SUSD1: variants seen among roughly 807,000 people sequenced by gnomAD.
SUSD1 encodes sushi domain containing 1.
In SUSD1, 65 loss-of-function variants were observed where a neutral mutation model predicts 86.9. The ratio of observed to expected loss-of-function variants is 0.75; its 90% CI spans 0.61 to 0.92. The LOEUF (loss-of-function observed/expected upper bound fraction) is 0.92. Among genes scored for constraint, SUSD1 ranks in the 40% least tolerant of loss-of-function variants. The probability of loss-of-function intolerance (pLI) is 0.00; values close to 1 mark genes in which losing one functional copy is unlikely to be tolerated. For synonymous variants in SUSD1, 346 were observed against 350.0 expected (o/e 0.99, Z 0.13); for missense variants, 850 against 929.7 (o/e 0.91, Z 1.11).
intron 15 of SUSD1, among the ~76,000 whole-genome samples, chr9:112,042,865 T>C (rs1007346071): frequency 1.3e-5 from 2 of 152,272 alleles, no homozygotes; most frequent in East Asian, 3.9e-4. Context: ...CTCAGTACAG[T>C]ACCTGGCACT....
chr9:112,044,086 C>T (rs1827858894), intron 15 of SUSD1, among the ~76,000 whole-genome samples: 1 of 152,132 alleles, frequency 6.6e-6, no homozygotes, highest in Non-Finnish European at 1.5e-5. Context: ...AGGCATGAGC[C>T]ACCATGCCCA....
intron 11 of SUSD1, 106 bp from the exon 12 acceptor site, chr9:112,078,830 T>TTTTTTTA (rs747300919): frequency 1.2e-6 from 1 of 863,586 alleles, no homozygotes; most frequent in African/African-American, 1.8e-5. Context: ...TTTTTTTTTT[T>TTTTTTTA]GAGATGGGGG....
chr9:112,052,548 C>T (rs7034341), intron 14 of SUSD1, 110 bp from the exon 15 acceptor site: 212,607 of 1,225,268 alleles, frequency 0.17, 23,510 homozygotes, highest in African/African-American at 0.52. Context: ...ATCTCTTAAT[C>T]TGAACTAGAC....
intron 12 of SUSD1, among the ~76,000 whole-genome samples, chr9:112,068,827 C>T (rs192769651): frequency 8.0e-4 from 121 of 152,128 alleles, no homozygotes; most frequent in African/African-American, 2.5e-3. Context: ...CGGAAGTGCT[C>T]GAGGTCTGCT....
chr9:112,153,300 A>G (rs1282697567), intron 2 of SUSD1, among the ~76,000 whole-genome samples: 1 of 151,928 alleles, frequency 6.6e-6, no homozygotes, highest in African/African-American at 2.4e-5. Context: ...ACAAACACAC[A>G]CACACACAAT....
chr9:112,074,819 A>G (rs976918390), intron 12 of SUSD1, among the ~76,000 whole-genome samples: 5 of 148,780 alleles, frequency 3.4e-5, no homozygotes, highest in African/African-American at 1.2e-4. Flanking sequence ...TAACTCTTTC[A>G]TAAGATCAAA....
intron 15 of SUSD1, among the ~76,000 whole-genome samples, chr9:112,050,730 TCTGGTATTAG>T (rs1198426201): frequency 1.3e-5 from 2 of 152,148 alleles, no homozygotes; most frequent in Non-Finnish European, 2.9e-5. Context: ...CAACAAGATT[TCTGGTATTAG>T]CTACAAACTA....
chr9:112,079,670 T>C (rs1477632330), intron 11 of SUSD1, among the ~76,000 whole-genome samples: 1 of 151,908 alleles, frequency 6.6e-6, no homozygotes, highest in Non-Finnish European at 1.5e-5. Flanking sequence ...TGGCGCGATC[T>C]TGGTTAACAG....
At chr9:112,067,291 G>A (rs190922485) in intron 12 of SUSD1, among the ~76,000 whole-genome samples, 12 of 152,366 alleles carry the variant, frequency 7.9e-5, no homozygotes, top group African/African-American at 2.9e-4. Flanking sequence ...GGCAGAAAGA[G>A]GGCCTCATGG....
chr9:112,089,842 A>G (rs1830136412), intron 10 of SUSD1, among the ~76,000 whole-genome samples: 2 of 151,666 alleles, frequency 1.3e-5, no homozygotes, highest in Admixed American at 1.3e-4. Context: ...AGAAAAGAAA[A>G]GAAAAGAAAG....
At position 112,119,447 on chromosome 9, in the gene SUSD1, A is replaced by C. The variant is rs1420516490; in HGVS notation, c.886+4810T>G. ...AACAGAAGGGACAGAGGCCAACAGG[A>C]GTCCTGGAGGCATCAGAGCAGTGCC... On this transcript the variant is annotated intron_variant, in intron 6 of 16. Transcript: ENST00000374270. Among the ~76,000 whole-genome samples, 3 of 152,226 alleles carry C rather than the reference A, an allele frequency of 2.0e-5. No homozygotes were observed. In the East Asian group the frequency reaches 5.8e-4, roughly 29 times the overall value.
At chr9:112,170,710 TAGAG>T (rs1554778939) in intron 1 of SUSD1, among the ~76,000 whole-genome samples, 279 of 113,822 alleles carry the variant, frequency 2.5e-3, no homozygotes, top group African/African-American at 9.7e-3. Context: ...TATATATATA[TAGAG>T]AGAGAGAGAG....
chr9:112,072,099 A>G (rs1046344374), intron 12 of SUSD1, among the ~76,000 whole-genome samples: 1 of 138,534 alleles, frequency 7.2e-6, no homozygotes, highest in African/African-American at 2.7e-5. Flanking sequence ...ATCTCCTTTT[A>G]TTATTTATTT....
At chr9:112,144,531 A>C (rs1832724780) in intron 3 of SUSD1, among the ~76,000 whole-genome samples, 1 of 152,084 alleles carries the variant, frequency 6.6e-6, no homozygotes, top group Non-Finnish European at 1.5e-5. Context: ...TCATGTCTGT[A>C]ATCCTGGCAC....
At chr9:112,128,670 A>G (rs1477001752) in intron 5 of SUSD1, among the ~76,000 whole-genome samples, 1 of 152,218 alleles carries the variant, frequency 6.6e-6, no homozygotes, top group Admixed American at 6.6e-5. Context: ...AGTAGTAGTT[A>G]GAATGATTTG....
chr9:112,145,608 A>G (rs1832778102), intron 3 of SUSD1, among the ~76,000 whole-genome samples: 1 of 152,188 alleles, frequency 6.6e-6, no homozygotes. Context: ...ATGACATTTT[A>G]GCCCCCAAAA....
intron 7 of SUSD1, among the ~76,000 whole-genome samples, chr9:112,112,234 C>T (rs1004114576): frequency 6.6e-6 from 1 of 152,126 alleles, no homozygotes; most frequent in African/African-American, 2.4e-5. Flanking sequence ...ACACATGCAC[C>T]CTGCTGAATG....
chr9:112,048,636 A>G (rs1468333271), intron 15 of SUSD1, among the ~76,000 whole-genome samples: 1 of 152,226 alleles, frequency 6.6e-6, no homozygotes, highest in Non-Finnish European at 1.5e-5. Flanking sequence ...TGTAAAATCT[A>G]GTAGTAGAAG....
At chr9:112,152,751 CTTTTT>C (rs71382410) in intron 2 of SUSD1, among the ~76,000 whole-genome samples, 1 of 87,492 alleles carries the variant, frequency 1.1e-5, no homozygotes, top group African/African-American at 5.0e-5. Flanking sequence ...TTTTTTTAAT[CTTTTT>C]TTTTTTTTTT....
Sources: allele counts gnomAD v4.1 joint callset (sites outside exome capture counted in the v4.1 genomes callset), GRCh38; gene constraint gnomAD v4.1.1; transcripts MANE v1.5; gene names NCBI Gene and HGNC (gene_info 2026-07-23, HGNC 2026-07-21).